Variants in LCOR observed in about 807,000 individuals in gnomAD.
LCOR encodes the protein ligand-dependent corepressor.
LCOR carries 14 observed loss-of-function variants against 64.4 expected under a neutral mutation model. The observed-to-expected ratio is 0.22, with a 90% confidence interval of 0.14 to 0.34. The LOEUF (loss-of-function observed/expected upper bound fraction) is 0.34. Ranked by LOEUF, LCOR falls within the 10% of genes least tolerant of loss-of-function variation. The probability of loss-of-function intolerance (pLI) is 1.00; values close to 1 mark genes in which losing one functional copy is unlikely to be tolerated. For synonymous variants in LCOR, 643 were observed against 642.5 expected, an observed-to-expected ratio of 1.00 and a Z score of -0.01; for missense variants, 1,686 against 1,765.3, an observed-to-expected ratio of 0.96 and a Z score of 0.80.
At chr10:96,837,641 A>G (rs757884770) in intron 2 of LCOR, among the ~76,000 whole-genome samples, 7 of 152,230 alleles carry the variant, frequency 4.6e-5, no homozygotes, top group Admixed American at 3.9e-4. Flanking sequence ...TTTGGAGGTT[A>G]TGCCTTCCAT....
intron 4 of LCOR, among the ~76,000 whole-genome samples, chr10:96,931,096 A>G (rs1254812156): frequency 6.6e-6 from 1 of 152,098 alleles, no homozygotes; most frequent in Non-Finnish European, 1.5e-5. Context: ...TTTTACTATT[A>G]TTACAAATTA....
chr10:96,893,089 T>C (rs1846473552), intron 2 of LCOR, among the ~76,000 whole-genome samples: 1 of 152,216 alleles, frequency 6.6e-6, no homozygotes, highest in Admixed American at 6.5e-5. Context: ...AATAGTTATT[T>C]TCTTGGTGTT....
At chr10:96,847,371 G>A (rs1845647437) in intron 2 of LCOR, among the ~76,000 whole-genome samples, 1 of 150,708 alleles carries the variant, frequency 6.6e-6, no homozygotes, top group Non-Finnish European at 1.5e-5. Context: ...AAAGCACACG[G>A]TAACAGTCCT....
chr10:96,963,806 T>A (rs1187813934), intron 7 of LCOR: 1 of 152,242 alleles, frequency 6.6e-6, no homozygotes, highest in Non-Finnish European at 1.5e-5. Context: ...TTCTCTGCTT[T>A]AATATTTGAT....
At chr10:96,968,116 A>T (rs1305773743) in intron 7 of LCOR, among the ~76,000 whole-genome samples, 3 of 152,254 alleles carry the variant, frequency 2.0e-5, no homozygotes, top group Non-Finnish European at 4.4e-5. Context: ...TCAAGTATAC[A>T]GCTCAGCATT....
At chr10:96,862,232 T>C (rs1413224940) in intron 2 of LCOR, among the ~76,000 whole-genome samples, 1 of 152,176 alleles carries the variant, frequency 6.6e-6, no homozygotes, top group Non-Finnish European at 1.5e-5. Context: ...CCAGTCCTTT[T>C]AAGTTTTTAT....
At chr10:96,954,901 C>A in intron 7 of LCOR, 1 of 1,477,580 alleles carries the variant, frequency 6.8e-7, no homozygotes, top group Non-Finnish European at 9.2e-7. Context: ...CTCACCCATC[C>A]CTCCCTACCT....
chr10:96,941,447 G>A (rs1306266906), intron 4 of LCOR, among the ~76,000 whole-genome samples: 4 of 139,916 alleles, frequency 2.9e-5, no homozygotes, highest in Non-Finnish European at 6.3e-5. Context: ...CGGGGCGACT[G>A]GCCGGGCAGA....
intron 4 of LCOR, among the ~76,000 whole-genome samples, chr10:96,924,375 TTTTGTTTGTTTGTTTG>T (rs72393708): frequency 2.7e-5 from 4 of 149,738 alleles, no homozygotes; most frequent in African/African-American, 5.0e-5. Flanking sequence ...GCCAATTTGT[TTTTGTTTGTTTGTTTG>T]TTTGTTTGTT....
chr10:96,920,560 A>G (rs28814005), intron 4 of LCOR, among the ~76,000 whole-genome samples: 50 of 146,910 alleles, frequency 3.4e-4, no homozygotes, highest in Non-Finnish European at 6.5e-4. Context: ...ATATATGTGT[A>G]TATATGTATG....
At chr10:96,850,383 TTAAAA>T (rs777747614) in intron 2 of LCOR, among the ~76,000 whole-genome samples, 3 of 152,134 alleles carry the variant, frequency 2.0e-5, no homozygotes, top group Non-Finnish European at 2.9e-5. Context: ...GACCCCATAT[TTAAAA>T]AGAAAGATCA....
At chr10:96,962,508 GA>G in intron 7 of LCOR, 1 of 152,226 alleles carries the variant, frequency 6.6e-6, no homozygotes, top group East Asian at 1.9e-4. Flanking sequence ...GAGGGGGGAT[GA>G]TTAACTAGGT....
At chr10:96,917,135 C>G (rs1373921918) in intron 4 of LCOR, among the ~76,000 whole-genome samples, 1 of 152,014 alleles carries the variant, frequency 6.6e-6, no homozygotes, top group Non-Finnish European at 1.5e-5. Flanking sequence ...TTTTTGTCTC[C>G]CAGTTCGTAG....
At chr10:96,839,925 C>T (rs1845510761) in intron 2 of LCOR, among the ~76,000 whole-genome samples, 1 of 152,216 alleles carries the variant, frequency 6.6e-6, no homozygotes, top group African/African-American at 2.4e-5. Flanking sequence ...TGACGTTCCG[C>T]CTCTCTTGGC....
At position 96,956,188 on chromosome 10, in the gene LCOR, C is replaced by G. The variant is rs1589681791; in HGVS notation, c.332+3992C>G. On this transcript the variant is annotated intron_variant, in intron 7 of 7. Transcript: ENST00000421806. The stretch of plus-strand genomic sequence containing the variant: ...TGAGTTACCTCACAGAGAACAGATA[C>G]ATGGAAGTGGACTCCTTGCCTGTAG... 6.7e-6 allele frequency: 8 copies of G among 1,199,534 alleles called. No homozygotes were observed. The East Asian group carries it at 3.3e-4, about 49-fold the overall frequency. 74.3% of individuals were successfully genotyped at this position (1,199,534 alleles called of 1,614,324 possible). A position where few individuals can be genotyped will look rare whatever the true frequency, so the allele number is the denominator to read the frequency against.
chr10:96,923,705 T>C (rs1847120055), intron 4 of LCOR, among the ~76,000 whole-genome samples: 1 of 152,218 alleles, frequency 6.6e-6, no homozygotes, highest in South Asian at 2.1e-4. Context: ...CATGCTGACA[T>C]AATTTTGTAG....
chr10:96,838,768 T>C (rs1343819891), intron 2 of LCOR, among the ~76,000 whole-genome samples: 3 of 152,272 alleles, frequency 2.0e-5, no homozygotes, highest in Non-Finnish European at 2.9e-5. Flanking sequence ...GGGGCTATTA[T>C]GGATGATGCT....
At chr10:96,914,808 C>T (rs949074860) in intron 4 of LCOR, among the ~76,000 whole-genome samples, 1 of 152,182 alleles carries the variant, frequency 6.6e-6, no homozygotes, top group Non-Finnish European at 1.5e-5. Context: ...CAGTATTTAT[C>T]TGAAGATCCA....
At position 96,952,163 on chromosome 10, in the gene LCOR, A is replaced by G. The variant is rs760959447; in HGVS notation, c.299A>G (p.His100Arg). The G allele has an allele frequency of 6.8e-6, 11 of 1,613,788 alleles. No homozygotes were observed. In the Admixed American group the frequency reaches 1.2e-4, roughly 17 times the overall value. ...SPCAGSTSLS[H>R]SPGCSSTQGN... ...TGTGCTGGCAGCACTTCCCTGAGCCACTCTCCAGGCTGCTCCAGTACTCAA... is the reference window on the plus strand; with the variant it reads ...TGTGCTGGCAGCACTTCCCTGAGCCGCTCTCCAGGCTGCTCCAGTACTCAA... Residue 100 changes from histidine to arginine, a missense_variant, in exon 7 of 8, where the codon CAC (histidine) becomes CGC (arginine). By Grantham distance (29) the His-to-Arg change is conservative (BLOSUM62 0). Coordinates refer to ENST00000421806, the MANE Select transcript of LCOR (RefSeq NM_001346516.2).
Sources: gnomAD v4.1 joint callset for allele counts (sites outside exome capture counted in the v4.1 genomes callset) on GRCh38, gnomAD v4.1.1 for gene constraint, MANE v1.5 for transcripts, NCBI Gene and HGNC (gene_info 2026-07-23, HGNC 2026-07-21) for gene names.